The following LRRN2 variants were observed in gnomAD, a reference collection of about 807,000 sequenced individuals.
LRRN2 encodes leucine-rich repeat neuronal protein 2.
In LRRN2, 10 loss-of-function variants were observed where a neutral mutation model predicts 35.7. The ratio of observed to expected loss-of-function variants is 0.28; its 90% CI spans 0.17 to 0.47. The LOEUF (loss-of-function observed/expected upper bound fraction) is 0.47. Among genes scored for constraint, LRRN2 ranks in the 20% least tolerant of loss-of-function variants. LRRN2 has a pLI of 0.99. For missense variants in LRRN2, 731 were observed against 940.3 expected, an observed-to-expected ratio of 0.78 and a Z score of 2.91; for synonymous variants, 391 against 409.6, an observed-to-expected ratio of 0.95 and a Z score of 0.55.
At chr1:204,665,707 C>G (rs1433651224) in intron 1 of LRRN2, among the ~76,000 whole-genome samples, 1 of 152,240 alleles carries the variant, frequency 6.6e-6, no homozygotes, top group Admixed American at 6.5e-5. Flanking sequence ...GCTGCTCAAG[C>G]AAGCCCATCT....
intron 1 of LRRN2, among the ~76,000 whole-genome samples, chr1:204,639,358 G>T (rs1667930292): frequency 6.6e-6 from 1 of 152,218 alleles, no homozygotes; most frequent in Non-Finnish European, 1.5e-5. Context: ...TAATAGCCGG[G>T]CATGGTGGCT....
At chr1:204,656,212 C>A (rs6663910) in intron 1 of LRRN2, among the ~76,000 whole-genome samples, 2 of 152,018 alleles carry the variant, frequency 1.3e-5, no homozygotes, top group South Asian at 2.1e-4. Context: ...CCTGGCCCCC[C>A]TCTATTCTTT....
In LRRN2 at chr1:204,620,029, A is replaced by G; in HGVS notation, c.-37T>C. 6.3e-7 allele frequency: 1 copy of G among 1,576,036 alleles called. No homozygotes were observed. On this transcript the variant is annotated 5_prime_UTR_variant, in exon 2 of 2. Transcript: ENST00000367177. ...AGGGCAGGGGACCATTCACAAGAAG[A>G]GTCTGGAGTCCTGCTCTTTGTGTTT...
Position 204,619,994 on chromosome 1 carries a change from G to A in LRRN2, c.-2C>T, listed in dbSNP as rs1412882912. 1.2e-6 allele frequency: 2 copies of A among 1,605,870 alleles called. No homozygotes were observed. Among genetic ancestry groups the A allele is most frequent in the African/African-American group, 1.3e-5 (1 of 74,930 alleles). ...GAGTGGGGCCACGAGAAGCCTCATG[G>A]TGGAGCTGCAGGGCAGGGGACCATT... On this transcript the variant is annotated 5_prime_UTR_variant, in exon 2 of 2. Transcript: ENST00000367177.
chr1:204,675,206 G>A (rs1366124354), intron 1 of LRRN2, among the ~76,000 whole-genome samples: 1 of 152,118 alleles, frequency 6.6e-6, no homozygotes, highest in African/African-American at 2.4e-5. Flanking sequence ...CAATCCCTCC[G>A]GGGTGGCTGG....
Position 204,631,262 on chromosome 1 carries a change from ATATATATAT to A in LRRN2, c.-226-11053_-226-11045del, listed in dbSNP as rs1405091949. On this transcript the variant is annotated intron_variant, in intron 1 of 1. Transcript: ENST00000367177. ...GAGTGATACCTAGAGTGTTCTATAT[ATATATATAT>A]ATATATATATATATATATATATATA... is the stretch of plus-strand genomic sequence containing the variant. Among the ~76,000 whole-genome samples, 229 of 37,914 alleles carry A rather than the reference ATATATATAT, an allele frequency of 6.0e-3. 28 individuals carry two copies. In the East Asian group the frequency reaches 0.12, roughly 19 times the overall value. The allele number at this position is 37,914 out of a possible 152,430, so 24.9% of individuals were successfully genotyped here. A position where few individuals can be genotyped will look rare whatever the true frequency, so the allele number is the denominator to read the frequency against.
intron 1 of LRRN2, among the ~76,000 whole-genome samples, chr1:204,636,827 C>A (rs1667846865): frequency 1.3e-5 from 2 of 152,260 alleles, no homozygotes; most frequent in East Asian, 3.9e-4. Flanking sequence ...TTAAATCAAT[C>A]TCTGAGTAGG....
At chr1:204,656,279 A>T (rs1011580592) in intron 1 of LRRN2, among the ~76,000 whole-genome samples, 22 of 152,204 alleles carry the variant, frequency 1.4e-4, no homozygotes, top group Non-Finnish European at 2.6e-4. Context: ...ACGTGTGTCA[A>T]AGATATAGTA....
chr1:204,654,092 G>T (rs1418846353), intron 1 of LRRN2, among the ~76,000 whole-genome samples: 2 of 150,314 alleles, frequency 1.3e-5, no homozygotes, highest in East Asian at 3.9e-4. Context: ...GGGTCAAACA[G>T]CTGAAGCTGG....
chr1:204,621,617 TC>T (rs1368144788), intron 1 of LRRN2: 5 of 167,192 alleles, frequency 3.0e-5, no homozygotes, highest in African/African-American at 1.2e-4. Context: ...ACTCCAGAGT[TC>T]CTTTCTTCAG....
At chr1:204,667,057 G>C (rs1329244537) in intron 1 of LRRN2, among the ~76,000 whole-genome samples, 1 of 150,820 alleles carries the variant, frequency 6.6e-6, no homozygotes, top group Non-Finnish European at 1.5e-5. Flanking sequence ...TAATTATAGA[G>C]ATGAAGAATA....
intron 1 of LRRN2, among the ~76,000 whole-genome samples, chr1:204,624,453 CA>C (rs979939370): frequency 1.1e-4 from 17 of 152,328 alleles, no homozygotes; most frequent in Admixed American, 7.8e-4. Context: ...TTGCCCACTC[CA>C]AGGGCAAGTT....
chr1:204,665,676 C>G (rs749398607), intron 1 of LRRN2, among the ~76,000 whole-genome samples: 7 of 152,216 alleles, frequency 4.6e-5, no homozygotes, highest in Non-Finnish European at 8.8e-5. Flanking sequence ...TGTCACCTCA[C>G]TTTTCAAAGG....
intron 1 of LRRN2, among the ~76,000 whole-genome samples, chr1:204,682,431 G>T (rs1176844806): frequency 6.6e-6 from 1 of 152,228 alleles, no homozygotes; most frequent in African/African-American, 2.4e-5. Context: ...CTTAGTATAA[G>T]TGTACAAGTT....
Position 204,618,313 on chromosome 1 carries a change from A to G in LRRN2, c.1680T>C (p.Ser560=). Residue 560 remains serine, a synonymous_variant, in exon 2 of 2, where the codon AGT becomes AGC. Coordinates refer to ENST00000367177, the MANE Select transcript of LRRN2 (RefSeq NM_201630.2). ...NTVSTNLTWS[S]ASSLRGQGAT... ...CCCCCTGGCCCCGGAGGGAGGAGGC[A>G]CTGGACCAGGTGAGGTTGGTGGACA... is the stretch of plus-strand genomic sequence containing the variant. The G allele has an allele frequency of 6.3e-7, 1 of 1,595,760 alleles. No homozygotes were observed. Among genetic ancestry groups the G allele is most frequent in the Non-Finnish European group, 8.5e-7 (1 of 1,170,414 alleles).
intron 1 of LRRN2, among the ~76,000 whole-genome samples, chr1:204,656,156 G>A (rs543153787): frequency 1.3e-3 from 194 of 151,836 alleles, no homozygotes; most frequent in Non-Finnish European, 2.3e-3. Flanking sequence ...TGATCTGCCC[G>A]CCTCAGCCTC....
At position 204,667,312 on chromosome 1, in the gene LRRN2, T is replaced by G. The variant is rs1571678489; in HGVS notation, c.-227+18008A>C. Among the ~76,000 whole-genome samples the G allele has an allele frequency of 2.6e-5, 4 of 152,356 alleles. 1 individual carries two copies. The highest frequency in any genetic ancestry group is 2.6e-4 in the Admixed American group (4 of 15,308). On this transcript the variant is annotated intron_variant, in intron 1 of 1. Coordinates refer to ENST00000367177, the MANE Select transcript of LRRN2 (RefSeq NM_201630.2). ...GATGTTGGCACTGGGGGATGCTGGATGAAGGGTACTGTGGACTTCCCTGTA... is the reference window on the plus strand; with the variant it reads ...GATGTTGGCACTGGGGGATGCTGGAGGAAGGGTACTGTGGACTTCCCTGTA...
At chr1:204,655,351 G>A (rs1263061056) in intron 1 of LRRN2, among the ~76,000 whole-genome samples, 1 of 152,198 alleles carries the variant, frequency 6.6e-6, no homozygotes, top group African/African-American at 2.4e-5. Context: ...GCAGTGGCGC[G>A]ATCTGGGGTC....
intron 1 of LRRN2, among the ~76,000 whole-genome samples, chr1:204,636,113 C>G (rs61382943): frequency 5.5e-4 from 83 of 152,284 alleles, no homozygotes; most frequent in African/African-American, 2.0e-3. Flanking sequence ...TCACTTAATA[C>G]CTTCCACGAG....
Sources: allele counts gnomAD v4.1 joint callset (sites outside exome capture counted in the v4.1 genomes callset), GRCh38; gene constraint gnomAD v4.1.1; transcripts MANE v1.5; gene names NCBI Gene and HGNC (gene_info 2026-07-23, HGNC 2026-07-21).